The following ZMYM4 variants were observed in gnomAD, a reference collection of about 807,000 sequenced individuals.
ZMYM4 encodes the protein zinc finger MYM-type protein 4.
ZMYM4 carries 31 observed loss-of-function variants against 183.2 expected under a neutral mutation model. That is an observed-to-expected ratio of 0.17 (90% confidence interval 0.13 to 0.23). ZMYM4 has a LOEUF of 0.23. Among genes scored for constraint, ZMYM4 ranks in the 10% least tolerant of loss-of-function variants. ZMYM4 has a pLI of 1.00. For synonymous variants in ZMYM4, 592 were observed against 631.2 expected, an observed-to-expected ratio of 0.94 and a Z score of 0.93; for missense variants, 1,273 against 1,840.3, an observed-to-expected ratio of 0.69 and a Z score of 5.64.
chr1:35,333,580 A>C (rs186130017), intron 2 of ZMYM4, among the ~76,000 whole-genome samples: 2 of 152,170 alleles, frequency 1.3e-5, no homozygotes, highest in Admixed American at 1.3e-4. Flanking sequence ...TTTAAGAGTA[A>C]CATTTTGGCT....
chr1:35,363,940 A>G (rs1386054645), intron 5 of ZMYM4, among the ~76,000 whole-genome samples: 1 of 152,148 alleles, frequency 6.6e-6, no homozygotes, highest in African/African-American at 2.4e-5. Context: ...TACTTGAACC[A>G]TGTGACACTT....
chr1:35,268,886 G>C lies in ZMYM4; in HGVS notation c.-161G>C, dbSNP rs1639439264. The C allele has an allele frequency of 1.4e-6, 1 of 722,986 alleles. No individual in the cohort carries two copies. Among genetic ancestry groups the C allele is most frequent in the Non-Finnish European group, 1.9e-6 (1 of 521,112 alleles). 44.8% of individuals were successfully genotyped at this position (722,986 alleles called of 1,614,324 possible). A position where few individuals can be genotyped will look rare whatever the true frequency, so the allele number is the denominator to read the frequency against. On this transcript the variant is annotated 5_prime_UTR_variant, in exon 1 of 30. Transcript: ENST00000314607. The stretch of plus-strand genomic sequence containing the variant: ...GGGATCTCAGAAGCTGCGGCCCGGC[G>C]CGCGGCATCCGCCCCCTCCCCACTC...
intron 1 of ZMYM4, among the ~76,000 whole-genome samples, chr1:35,279,506 AAC>A (rs1040814447): frequency 6.6e-6 from 1 of 152,168 alleles, no homozygotes; most frequent in African/African-American, 2.4e-5. Flanking sequence ...TGCTCTCTAG[AAC>A]ACACTTTTCT....
intron 1 of ZMYM4, among the ~76,000 whole-genome samples, chr1:35,310,049 GCCT>G (rs1318009453): frequency 1.3e-5 from 2 of 151,264 alleles, no homozygotes; most frequent in Admixed American, 1.3e-4. Context: ...CCTGCCTCAG[GCCT>G]CCTCAGTAGC....
At chr1:35,292,500 G>GTTAGTTGT (rs973808733) in intron 1 of ZMYM4, 2 of 152,400 alleles carry the variant, frequency 1.3e-5, no homozygotes, top group Non-Finnish European at 2.9e-5. Flanking sequence ...TCGTGCAGCG[G>GTTAGTTGT]TTAGTTGTTT....
At chr1:35,388,353 C>T (rs1285266249) in intron 13 of ZMYM4, among the ~76,000 whole-genome samples, 2 of 152,076 alleles carry the variant, frequency 1.3e-5, no homozygotes, top group African/African-American at 2.4e-5. Flanking sequence ...TACAGGCACC[C>T]GCCACCACAC....
chr1:35,326,590 A>G (rs1258431133), intron 2 of ZMYM4, among the ~76,000 whole-genome samples: 1 of 152,086 alleles, frequency 6.6e-6, no homozygotes, highest in Non-Finnish European at 1.5e-5. Flanking sequence ...CCCTTATTCC[A>G]ATTCAGGGTC....
At chr1:35,359,469 C>T in intron 3 of ZMYM4, 23 bp downstream of exon 3, 13 of 1,519,462 alleles carry the variant, frequency 8.6e-6, no homozygotes, top group Non-Finnish European at 1.1e-5. Flanking sequence ...GGACTTAGAA[C>T]CATAAAACAC....
At chr1:35,373,570 TTTTC>T (rs1644265135) in intron 7 of ZMYM4, among the ~76,000 whole-genome samples, 1 of 148,260 alleles carries the variant, frequency 6.7e-6, no homozygotes, top group African/African-American at 2.5e-5. Context: ...TTTTTTTGTA[TTTTC>T]AGTAGAGATG....
intron 2 of ZMYM4, among the ~76,000 whole-genome samples, chr1:35,328,235 CTTAAACA>C (rs1570362448): frequency 6.6e-6 from 1 of 152,042 alleles, no homozygotes; most frequent in African/African-American, 2.4e-5. Flanking sequence ...GCTCTCCTTC[CTTAAACA>C]TTATTAGGCT....
intron 2 of ZMYM4, among the ~76,000 whole-genome samples, chr1:35,329,124 G>A (rs565305558): frequency 3.9e-4 from 59 of 152,310 alleles, no homozygotes; most frequent in Middle Eastern, 3.4e-3. Flanking sequence ...GGCTAACCCC[G>A]TTTGTGAAGA....
intron 2 of ZMYM4, among the ~76,000 whole-genome samples, chr1:35,355,385 A>G (rs1009083094): frequency 3.3e-5 from 5 of 150,528 alleles, no homozygotes; most frequent in South Asian, 4.2e-4. Flanking sequence ...GTCATTACCA[A>G]CCTGCTGTGT....
chr1:35,320,859 C>T (rs766735354), intron 1 of ZMYM4, among the ~76,000 whole-genome samples: 8 of 152,092 alleles, frequency 5.3e-5, no homozygotes, highest in Non-Finnish European at 1.2e-4. Context: ...CTTCAGGGTG[C>T]ACTTTTGCCT....
chr1:35,412,197 G>T (rs924527418), intron 26 of ZMYM4, among the ~76,000 whole-genome samples: 1 of 151,826 alleles, frequency 6.6e-6, no homozygotes, highest in East Asian at 1.9e-4. Flanking sequence ...TTAATTTCCT[G>T]TTTGGATTGT....
At chr1:35,335,116 G>A (rs1245770435) in intron 2 of ZMYM4, among the ~76,000 whole-genome samples, 1 of 151,866 alleles carries the variant, frequency 6.6e-6, no homozygotes, top group African/African-American at 2.4e-5. Context: ...CCTGAATTTT[G>A]TGTTTATTTT....
intron 2 of ZMYM4, among the ~76,000 whole-genome samples, chr1:35,328,454 ATTTTTTTT>A (rs754078160): frequency 2.0e-3 from 235 of 117,086 alleles, no homozygotes; most frequent in Admixed American, 3.8e-3. Flanking sequence ...TAATTTTTTA[ATTTTTTTT>A]TTTTTTTTTT....
chr1:35,297,555 A>T (rs913268825), intron 1 of ZMYM4, among the ~76,000 whole-genome samples: 5 of 152,110 alleles, frequency 3.3e-5, no homozygotes, highest in African/African-American at 1.2e-4. Flanking sequence ...ACTTGAGCTG[A>T]CTTAACGGAC....
chr1:35,377,809 C>G (rs1363039702), intron 7 of ZMYM4, among the ~76,000 whole-genome samples: 3 of 152,138 alleles, frequency 2.0e-5, no homozygotes, highest in African/African-American at 7.2e-5. Flanking sequence ...GTTTTGGTGG[C>G]TGTGGCAATT....
chr1:35,393,014 G>A (rs184760738), intron 17 of ZMYM4, among the ~76,000 whole-genome samples: 152 of 152,172 alleles, frequency 1.0e-3, no homozygotes, highest in Admixed American at 3.5e-3. Flanking sequence ...ATACAATGTA[G>A]CTTATCCTCC....
Sources: allele counts gnomAD v4.1 joint callset (sites outside exome capture counted in the v4.1 genomes callset), GRCh38; gene constraint gnomAD v4.1.1; transcripts MANE v1.5; gene names NCBI Gene and HGNC (gene_info 2026-07-23, HGNC 2026-07-21).